Variants in PCBP3 observed in about 807,000 individuals in gnomAD.
The protein encoded by PCBP3 is poly(rC)-binding protein 3.
A neutral mutation model predicts 52.7 loss-of-function variants in PCBP3; 25 were observed. The observed-to-expected ratio is 0.47, with a 90% CI of 0.35 to 0.66. PCBP3 has a LOEUF of 0.66. Among genes scored for constraint, PCBP3 ranks in the 30% least tolerant of loss-of-function variants. The pLI, the probability that PCBP3 is intolerant of heterozygous loss-of-function variation, is 0.01. For synonymous variants in PCBP3, 162 were observed against 183.0 expected (o/e 0.89, Z 0.93); for missense variants, 391 against 490.3 (o/e 0.80, Z 1.91).
At chr21:45,699,476 G>C (rs926858641) in intron 2 of PCBP3, among the ~76,000 whole-genome samples, 1 of 152,180 alleles carries the variant, frequency 6.6e-6, no homozygotes, top group African/African-American at 2.4e-5. Context: ...ATCCAATTTA[G>C]AGAAAGAGGC....
intron 1 of PCBP3, among the ~76,000 whole-genome samples, chr21:45,647,343 C>A (rs1159708377): frequency 6.6e-6 from 1 of 152,182 alleles, no homozygotes; most frequent in Non-Finnish European, 1.5e-5. Context: ...TCTGGGAACC[C>A]ATGAGGGAAT....
chr21:45,681,936 G>A lies in PCBP3; in HGVS notation c.-200+12984G>A, dbSNP rs1394445333. ...TCCAATTATTATATCTATAATAACA[G>A]ATATAATATAGACCAAAAAAGAACA... On this transcript the variant is annotated intron_variant, in intron 2 of 17. Coordinates refer to ENST00000681687, the MANE Select transcript of PCBP3 (RefSeq NM_001384156.1). Among the ~76,000 whole-genome samples, 3 of 152,074 alleles carry A rather than the reference G, an allele frequency of 2.0e-5. No individual in the cohort carries two copies. In the East Asian group the frequency reaches 5.8e-4, roughly 29 times the overall value.
rs1163919863 is a variant in PCBP3, at chr21:45,800,498, T to A, written c.-126+45046T>A. 6.6e-6 allele frequency among the ~76,000 whole-genome samples: 1 copy of A among 152,140 alleles called. No individual in the cohort carries two copies. Among genetic ancestry groups the A allele is most frequent in the Admixed American group, 6.5e-5 (1 of 15,278 alleles). On this transcript the variant is annotated intron_variant, in intron 4 of 17. Transcript: ENST00000681687. This position sits in a 1 kb window ranked among gnomAD's most constrained non-coding sequence, Gnocchi z 5.3. ...CGTGTTGTGGGCGTGTCCTGAGGTG[T>A]GTGCCTGACCTGACCCTGAGGCCCC...
intron 1 of PCBP3, among the ~76,000 whole-genome samples, chr21:45,646,328 C>G (rs1048333132): frequency 6.6e-6 from 1 of 151,978 alleles, no homozygotes; most frequent in Admixed American, 6.6e-5. Flanking sequence ...ATTTCCTTTG[C>G]TTAGTCTTCA....
chr21:45,645,626 ATTG>A (rs765758405), intron 1 of PCBP3, among the ~76,000 whole-genome samples: 80 of 152,260 alleles, frequency 5.3e-4, no homozygotes, highest in Non-Finnish European at 6.8e-4. Context: ...TCTTTACCCT[ATTG>A]TTCTGAGGAG....
chr21:45,798,891 C>T (rs890776859), intron 4 of PCBP3, among the ~76,000 whole-genome samples: 27 of 115,304 alleles, frequency 2.3e-4, no homozygotes, highest in South Asian at 9.1e-4. Flanking sequence ...AGAGTGAATG[C>T]GTACATGGAT....
intron 4 of PCBP3, among the ~76,000 whole-genome samples, chr21:45,796,867 G>A (rs1044534780): frequency 1.3e-5 from 2 of 152,218 alleles, no homozygotes; most frequent in African/African-American, 4.8e-5. Context: ...CTCTTAGAAT[G>A]GAAGCATGAT....
intron 5 of PCBP3, among the ~76,000 whole-genome samples, chr21:45,870,182 T>C (rs942811145): frequency 2.6e-5 from 4 of 152,230 alleles, no homozygotes; most frequent in African/African-American, 9.6e-5. Flanking sequence ...ATTTATTATC[T>C]TCTGGGTTTT....
At chr21:45,910,048 C>G (rs1364363356) in intron 10 of PCBP3, among the ~76,000 whole-genome samples, 2 of 24,022 alleles carry the variant, frequency 8.3e-5, no homozygotes, top group African/African-American at 2.3e-4. Context: ...TATGGACCCC[C>G]CCCACCACTG....
chr21:45,873,913 G>A (rs567485524), intron 5 of PCBP3, among the ~76,000 whole-genome samples: 3 of 152,214 alleles, frequency 2.0e-5, no homozygotes, highest in Non-Finnish European at 2.9e-5. Flanking sequence ...ACAAGCGTGC[G>A]CCATCGTGCC....
At chr21:45,734,434 C>A (rs116946461) in intron 2 of PCBP3, among the ~76,000 whole-genome samples, 1,940 of 152,316 alleles carry the variant, frequency 0.013, 18 homozygotes, top group Non-Finnish European at 0.02. Flanking sequence ...TGGTACTCTG[C>A]CCTCTAATTC....
intron 4 of PCBP3, among the ~76,000 whole-genome samples, chr21:45,825,731 C>T (rs1016277982): frequency 5.3e-5 from 8 of 152,126 alleles, no homozygotes; most frequent in Non-Finnish European, 7.4e-5. Flanking sequence ...AGGGAAGACT[C>T]CTCACTTTGT....
At chr21:45,767,504 T>C (rs868615664) in intron 4 of PCBP3, among the ~76,000 whole-genome samples, 10 of 152,240 alleles carry the variant, frequency 6.6e-5, no homozygotes, top group Non-Finnish European at 1.3e-4. Context: ...AACATTCTTT[T>C]ACAAGTTTTT....
chr21:45,702,537 A>G (rs1381938272), intron 2 of PCBP3, among the ~76,000 whole-genome samples: 2 of 152,234 alleles, frequency 1.3e-5, no homozygotes, highest in Non-Finnish European at 2.9e-5. Context: ...ATTGTGTGCA[A>G]TAGCATTATG....
chr21:45,941,398 C>T (rs1378544369), intron 17 of PCBP3, among the ~76,000 whole-genome samples: 2 of 152,188 alleles, frequency 1.3e-5, no homozygotes, highest in African/African-American at 4.8e-5. Flanking sequence ...AGGGGCCGAC[C>T]CAGGGCTGTG....
chr21:45,790,544 G>A (rs931403654), intron 4 of PCBP3, among the ~76,000 whole-genome samples: 46 of 152,090 alleles, frequency 3.0e-4, no homozygotes, highest in African/African-American at 1.1e-3. Context: ...TGGGTCATCC[G>A]GGGGCGTCTG....
At chr21:45,659,314 A>G (rs543668041) in intron 1 of PCBP3, among the ~76,000 whole-genome samples, 2 of 97,354 alleles carry the variant, frequency 2.1e-5, no homozygotes, top group East Asian at 5.4e-4. Flanking sequence ...AAGTTTTGAT[A>G]TGTTGTGCTT....
Position 45,846,842 on chromosome 21 carries a change from C to T in PCBP3, c.-125-3119C>T, listed in dbSNP as rs150968884. On this transcript the variant is annotated intron_variant, in intron 4 of 17. Coordinates refer to ENST00000681687, the MANE Select transcript of PCBP3 (RefSeq NM_001384156.1). ...TCTTCAGCCTGGTGCGCTGGCCTCA[C>T]GTGCTTCTGCTCATTCCTTGACACT... Among the ~76,000 whole-genome samples, 12 of 152,340 alleles carry T rather than the reference C, an allele frequency of 7.9e-5. No individual in the cohort carries two copies. The East Asian group carries it at 2.1e-3, about 27-fold the overall frequency.
At chr21:45,938,347 G>T (rs942172318) in intron 16 of PCBP3, among the ~76,000 whole-genome samples, 3 of 152,206 alleles carry the variant, frequency 2.0e-5, no homozygotes, top group Non-Finnish European at 4.4e-5. Flanking sequence ...CCCAGGAGCT[G>T]CTCTCCCTCC....
Sources: allele counts gnomAD v4.1 joint callset (sites outside exome capture counted in the v4.1 genomes callset), GRCh38; gene constraint gnomAD v4.1.1; non-coding constraint Gnocchi (gnomAD v3.1); transcripts MANE v1.5; gene names NCBI Gene and HGNC (gene_info 2026-07-23, HGNC 2026-07-21).